Variants in PRKCA observed in about 807,000 individuals in gnomAD.
The protein encoded by PRKCA is protein kinase C alpha, also known as protein kinase C alpha type.
A neutral mutation model predicts 87.0 loss-of-function variants in PRKCA; 27 were observed. The ratio of observed to expected loss-of-function variants is 0.31; its 90% CI spans 0.23 to 0.43. The LOEUF (loss-of-function observed/expected upper bound fraction) is 0.43. PRKCA is among the 20% of genes least tolerant of loss of function. The pLI is 1.00. For synonymous variants in PRKCA, 329 were observed against 311.1 expected (o/e 1.06, Z -0.61); for missense variants, 518 against 852.3 (o/e 0.61, Z 4.88).
rs1975990926 is a variant in PRKCA at position 66,804,769 on chromosome 17, G to T, written c.*732G>T. 2 of 155,284 alleles carry T rather than the reference G, an allele frequency of 1.3e-5. No homozygotes were observed. The allele number at this position is 155,284 out of a possible 1,614,324, so 9.6% of individuals were successfully genotyped here. A position where few individuals can be genotyped will look rare whatever the true frequency, so the allele number is the denominator to read the frequency against. On this transcript the variant is annotated 3_prime_UTR_variant, in exon 17 of 17. Coordinates refer to ENST00000413366, the MANE Select transcript of PRKCA (RefSeq NM_002737.3). ...AGAGGCCAAATCGTCTAAGGACGTT[G>T]CTGAACAAGCGTGTGAAATCATTTC... is the stretch of plus-strand genomic sequence containing the variant.
In PRKCA at chr17:66,468,928, A is replaced by C. The variant is rs573681550; in HGVS notation, c.206-27273A>C. 1.0e-3 allele frequency among the ~76,000 whole-genome samples: 157 copies of C among 152,262 alleles called. 1 individual carries two copies. The highest frequency in any genetic ancestry group is 1.8e-3 in the Non-Finnish European group (120 of 68,012). ...GCTGTCTTCCCAGCAGAAATGTTGA[A>C]GGGAAGTAGCTCAGCCCAGTTCCCT... On this transcript the variant is annotated intron_variant, in intron 2 of 16. Coordinates refer to ENST00000413366, the MANE Select transcript of PRKCA (RefSeq NM_002737.3).
At chr17:66,610,243 C>T (rs1293421969) in intron 3 of PRKCA, among the ~76,000 whole-genome samples, 1 of 152,106 alleles carries the variant, frequency 6.6e-6, no homozygotes, top group East Asian at 1.9e-4. Flanking sequence ...AATGAACAGC[C>T]AGGTGGAGGA....
intron 14 of PRKCA, chr17:66,775,767 C>T (rs1975032620): frequency 1.0e-6 from 1 of 984,694 alleles, no homozygotes; most frequent in Admixed American, 6.1e-5. Flanking sequence ...CGTATTTATT[C>T]ACTGAATGCT....
chr17:66,553,666 A>G (rs1434218533), intron 3 of PRKCA, among the ~76,000 whole-genome samples: 2 of 152,170 alleles, frequency 1.3e-5, no homozygotes, highest in Non-Finnish European at 1.5e-5. Context: ...TGCCGTGAGG[A>G]CACTCAAGCA....
intron 15 of PRKCA, 137 bp from the exon 16 acceptor site, chr17:66,788,702 T>C: frequency 1.0e-6 from 1 of 985,830 alleles, no homozygotes; most frequent in South Asian, 1.8e-5. Context: ...AGCCACTGAG[T>C]GTCTTGGTCA....
intron 8 of PRKCA, among the ~76,000 whole-genome samples, chr17:66,710,858 C>T (rs1358857805): frequency 3.3e-5 from 5 of 150,960 alleles, no homozygotes; most frequent in East Asian, 1.9e-4. Context: ...GGTGAAACCC[C>T]GTCTCTACCA....
chr17:66,494,261 T>C (rs1001781301), intron 2 of PRKCA, among the ~76,000 whole-genome samples: 8 of 152,118 alleles, frequency 5.3e-5, no homozygotes, highest in African/African-American at 9.7e-5. Flanking sequence ...TTGTGCAGAG[T>C]CTTAGTTCAT....
chr17:66,589,975 A>G (rs1753080797), intron 3 of PRKCA, among the ~76,000 whole-genome samples: 1 of 152,164 alleles, frequency 6.6e-6, no homozygotes, highest in Non-Finnish European at 1.5e-5. Context: ...TGAGAATCTC[A>G]TGCCGCCGGT....
rs1277797598 is a variant in PRKCA, at chr17:66,732,681, T to C, written c.919-7T>C. The C allele has an allele frequency of 1.2e-6, 2 of 1,614,090 alleles. No homozygotes were observed. The highest frequency in any genetic ancestry group is 1.1e-5 in the South Asian group (1 of 91,036). On this transcript the variant is annotated splice_polypyrimidine_tract_variant and splice_region_variant and intron_variant, in intron 8 of 16. Transcript: ENST00000413366. ...CCACGTGTTTCCCATTTGTGCTTGT[T>C]ATTTAGAAAGCCAAACTTGGCCCTG...
At position 66,732,672 on chromosome 17, in the gene PRKCA, T is replaced by C. The variant is rs1398444786; in HGVS notation, c.919-16T>C. ...AAAAATGACCCACGTGTTTCCCATT[T>C]GTGCTTGTTATTTAGAAAGCCAAAC... On this transcript the variant is annotated splice_polypyrimidine_tract_variant and intron_variant, in intron 8 of 16. Transcript: ENST00000413366. 3 of 1,613,956 alleles carry C rather than the reference T, an allele frequency of 1.9e-6. No individual in the cohort carries two copies. Among genetic ancestry groups the C allele is most frequent in the Admixed American group, 3.3e-5 (2 of 59,970 alleles).
chr17:66,739,978 G>A (rs1974122426), intron 11 of PRKCA, among the ~76,000 whole-genome samples: 1 of 152,110 alleles, frequency 6.6e-6, no homozygotes. Context: ...AGAAGGAATG[G>A]AGCTGTAGTT....
intron 13 of PRKCA, among the ~76,000 whole-genome samples, chr17:66,766,140 A>G (rs977059519): frequency 1.3e-5 from 2 of 152,202 alleles, no homozygotes; most frequent in East Asian, 3.9e-4. Flanking sequence ...CTGTCACGAG[A>G]AAAACGAGCC....
At chr17:66,342,681 A>G (rs973390166) in intron 2 of PRKCA, among the ~76,000 whole-genome samples, 1 of 152,122 alleles carries the variant, frequency 6.6e-6, no homozygotes, top group African/African-American at 2.4e-5. Flanking sequence ...AGGTATAAGC[A>G]TGCTGGTGTC....
In PRKCA at chr17:66,786,917, G is replaced by C. The variant is rs779171733; in HGVS notation, c.1656G>C (p.Glu552Asp). Residue 552 changes from glutamate (E) to aspartate (D), a missense_variant, in exon 15 of 17, where the codon GAG becomes GAC. Physicochemically the swap from Glu to Asp is conservative, Grantham distance 45. This residue lies in a region of PRKCA where 159 missense variants were observed against 232.4 expected (regional missense o/e 0.68). Coordinates refer to ENST00000413366, the MANE Select transcript of PRKCA (RefSeq NM_002737.3). ...ACGAGCTATTTCAGTCTATCATGGA[G>C]CACAACGTTTCCTATCCAAAATCCT... ...DEDELFQSIM[E>D]HNVSYPKSLS... 6.2e-7 allele frequency: 1 copy of C among 1,614,150 alleles called. No homozygotes were observed. Among genetic ancestry groups the C allele is most frequent in the African/African-American group, 1.3e-5 (1 of 75,044 alleles).
intron 2 of PRKCA, among the ~76,000 whole-genome samples, chr17:66,418,086 T>G (rs1369742323): frequency 1.3e-5 from 2 of 152,162 alleles, no homozygotes; most frequent in Non-Finnish European, 2.9e-5. Flanking sequence ...TGGGTTTTAC[T>G]GTCTTCTGTT....
intron 3 of PRKCA, among the ~76,000 whole-genome samples, chr17:66,620,767 C>T (rs1190356052): frequency 6.6e-6 from 1 of 152,198 alleles, no homozygotes; most frequent in Non-Finnish European, 1.5e-5. Context: ...TGTACATTGA[C>T]TGTATCTGGA....
chr17:66,741,500 A>G (rs1379869178), intron 11 of PRKCA, among the ~76,000 whole-genome samples, 159 bp from the exon 12 acceptor site: 1 of 152,164 alleles, frequency 6.6e-6, no homozygotes, highest in Non-Finnish European at 1.5e-5. Context: ...GGACGAAGTG[A>G]TGGAGGGAGG....
intron 2 of PRKCA, among the ~76,000 whole-genome samples, chr17:66,374,579 A>C (rs992010565): frequency 5.3e-5 from 8 of 152,114 alleles, no homozygotes; most frequent in Non-Finnish European, 1.5e-5. Context: ...GCAAGCAAGC[A>C]AACAATCAAG....
Position 66,742,769 on chromosome 17 carries a change from C to G in PRKCA, c.1524+9C>G. ...ATTATATCGCCCCAGAGGTAGGAAC[C>G]CCAGTGATCGTTTTCTCAACCAGGA... On this transcript the variant is annotated intron_variant, in intron 13 of 16. Transcript: ENST00000413366. 1.2e-6 allele frequency: 2 copies of G among 1,612,414 alleles called. No homozygotes were observed. Among genetic ancestry groups the G allele is most frequent in the Non-Finnish European group, 1.7e-6 (2 of 1,179,680 alleles).
Sources: allele counts gnomAD v4.1 joint callset (sites outside exome capture counted in the v4.1 genomes callset), GRCh38; gene constraint gnomAD v4.1.1; regional missense constraint gnomAD v4.1.1; transcripts MANE v1.5; gene names NCBI Gene and HGNC (gene_info 2026-07-23, HGNC 2026-07-21).